Variants in FRMPD2 observed in about 807,000 individuals in gnomAD.
FRMPD2 encodes FERM and PDZ domain containing 2, also known as FERM and PDZ domain-containing protein 2.
FRMPD2 carries 96 observed loss-of-function variants against 140.1 expected under a neutral mutation model. That is an observed-to-expected ratio of 0.69 (90% CI 0.58 to 0.81). FRMPD2 has a LOEUF of 0.81. Ranked by LOEUF, FRMPD2 falls within the 40% of genes least tolerant of loss-of-function variation. The pLI is 0.00. For missense variants in FRMPD2, 1,240 were observed against 1,447.4 expected (o/e 0.86, Z 2.32); for synonymous variants, 449 against 547.6 (o/e 0.82, Z 2.52).
rs1434012751 is a variant in FRMPD2 at position 48,184,655 on chromosome 10, A to G, written c.2495T>C (p.Ile832Thr). ...GTTGAATGTGAAGCCCTCCAGACTG[A>G]TGTGATTCAGGGCTAGTATCTGCCC... Reference protein sequence around the residue: ...PGGQILALNHISLEGFTFNMA... With the variant: ...PGGQILALNHTSLEGFTFNMA... Residue 832 changes from isoleucine (I) to threonine (T), a missense_variant, in exon 20 of 29, where the codon ATC becomes ACC. Ile to Thr is a moderately conservative substitution (Grantham distance 89, BLOSUM62 -1). Coordinates refer to ENST00000374201, the MANE Select transcript of FRMPD2 (RefSeq NM_001018071.4). 1.9e-6 allele frequency: 3 copies of G among 1,613,204 alleles called. No homozygotes were observed. The highest frequency in any genetic ancestry group is 1.7e-6 in the Non-Finnish European group (2 of 1,179,260).
chr10:48,196,558 G>A (rs1436084434), intron 15 of FRMPD2, among the ~76,000 whole-genome samples: 2 of 152,188 alleles, frequency 1.3e-5, no homozygotes, highest in African/African-American at 2.4e-5. Flanking sequence ...TTCCTGCAGG[G>A]AGGCTGGGTG....
intron 10 of FRMPD2, among the ~76,000 whole-genome samples, chr10:48,231,164 T>G (rs1839839825): frequency 2.6e-5 from 4 of 152,244 alleles, no homozygotes; most frequent in Admixed American, 2.6e-4. Context: ...GCAGTGATGC[T>G]TTCAGAGCAA....
At chr10:48,239,153 C>T (rs764383976) in intron 7 of FRMPD2, among the ~76,000 whole-genome samples, 11 of 152,134 alleles carry the variant, frequency 7.2e-5, no homozygotes, top group Non-Finnish European at 1.6e-4. Flanking sequence ...ATAGCCGAGC[C>T]GAAGACAGTC....
At position 48,192,747 on chromosome 10, in the gene FRMPD2, G is replaced by A. The variant is rs1218371961; in HGVS notation, c.2102C>T (p.Thr701Ile). Residue 701 changes from threonine (T) to isoleucine (I), a missense_variant, in exon 16 of 29, where the codon ACA becomes ATA. Coordinates refer to ENST00000374201, the MANE Select transcript of FRMPD2 (RefSeq NM_001018071.4). ...GTCCACGTTGAAGTTATCCATTGAT[G>A]TACTCAGCAGGCCTCCTGCAGCACC... ...LQGAAGGLLS[T>I]SMDNFNVDGS... 2 of 1,614,156 alleles carry A rather than the reference G, an allele frequency of 1.2e-6. No individual in the cohort carries two copies. Among genetic ancestry groups the A allele is most frequent in the Admixed American group, 3.3e-5 (2 of 60,016 alleles).
intron 12 of FRMPD2, among the ~76,000 whole-genome samples, 187 bp downstream of exon 12, chr10:48,222,126 G>GGATGGA: frequency 6.9e-6 from 1 of 144,004 alleles, no homozygotes; most frequent in Admixed American, 6.9e-5. Context: ...CAATGAATAG[G>GGATGGA]TGGATGGATG....
intron 17 of FRMPD2, among the ~76,000 whole-genome samples, chr10:48,186,863 G>T (rs1298675840): frequency 6.6e-6 from 1 of 152,124 alleles, no homozygotes; most frequent in Admixed American, 6.5e-5. Context: ...GGTGAATACT[G>T]GGAGGTGATG....
At chr10:48,241,861 T>G (rs941724209) in intron 5 of FRMPD2, among the ~76,000 whole-genome samples, 1 of 152,210 alleles carries the variant, frequency 6.6e-6, no homozygotes, top group Non-Finnish European at 1.5e-5. Context: ...TATTGCTTTA[T>G]GTAAGGACGC....
At chr10:48,218,320 C>T (rs17770069) in intron 12 of FRMPD2, among the ~76,000 whole-genome samples, 19,657 of 152,220 alleles carry the variant, frequency 0.13, 1,601 homozygotes, top group Non-Finnish European at 0.18. Flanking sequence ...GGCCAGACCC[C>T]GATGACGTAG....
At chr10:48,180,577 CT>C (rs1241284681) in intron 21 of FRMPD2, among the ~76,000 whole-genome samples, 62 of 151,930 alleles carry the variant, frequency 4.1e-4, no homozygotes, top group African/African-American at 1.4e-3. Context: ...TGCCCAGACA[CT>C]GTCCTAGAAC....
intron 1 of FRMPD2, among the ~76,000 whole-genome samples, chr10:48,265,022 A>G (rs988141832): frequency 1.3e-5 from 2 of 152,174 alleles, no homozygotes; most frequent in African/African-American, 4.8e-5. Flanking sequence ...AGACACATAA[A>G]CCAATGGAAC....
intron 1 of FRMPD2, among the ~76,000 whole-genome samples, chr10:48,265,920 A>T (rs1018865733): frequency 1.3e-5 from 2 of 152,166 alleles, no homozygotes; most frequent in Admixed American, 6.5e-5. Flanking sequence ...GCATGTGTAT[A>T]TTCATTGCAG....
chr10:48,195,926 C>T (rs1203247340), intron 15 of FRMPD2, among the ~76,000 whole-genome samples: 1 of 152,224 alleles, frequency 6.6e-6, no homozygotes, highest in South Asian at 2.1e-4. Flanking sequence ...CAGAATAATA[C>T]AGGTGAGAAG....
chr10:48,193,843 C>T (rs945436549), intron 15 of FRMPD2, among the ~76,000 whole-genome samples: 3 of 151,908 alleles, frequency 2.0e-5, no homozygotes, highest in Non-Finnish European at 2.9e-5. Flanking sequence ...TCAAACAGAC[C>T]CCCCTCTCTT....
At chr10:48,184,524 C>G (rs139267073) in intron 20 of FRMPD2, 42 bp downstream of exon 20, 191 of 1,231,084 alleles carry the variant, frequency 1.6e-4, no homozygotes, top group Non-Finnish European at 2.0e-4. Flanking sequence ...CTCCTGAAAA[C>G]AGGGGAGCCT....
intron 1 of FRMPD2, among the ~76,000 whole-genome samples, chr10:48,258,840 A>G (rs1404868985): frequency 6.6e-6 from 1 of 152,350 alleles, no homozygotes; most frequent in East Asian, 1.9e-4. Flanking sequence ...GAAAGTTAGT[A>G]TCATCAGATG....
chr10:48,170,706 A>C (rs1369592065), intron 26 of FRMPD2, among the ~76,000 whole-genome samples: 2 of 151,166 alleles, frequency 1.3e-5, no homozygotes, highest in Non-Finnish European at 3.0e-5. Context: ...CCCACCTCCC[A>C]GGATGTGTGT....
At chr10:48,222,556 C>G in intron 11 of FRMPD2, 105 bp from the exon 12 acceptor site, 2 of 1,163,508 alleles carry the variant, frequency 1.7e-6, no homozygotes, top group Middle Eastern at 5.3e-4. Flanking sequence ...GTAGGGAAGA[C>G]GAGATGCAAC....
chr10:48,212,027 T>G lies in FRMPD2; in HGVS notation c.1538A>C (p.Gln513Pro). The part of the protein sequence containing the change: ...LIERMTALRV[Q>P]VEVSEMHRLS... ...CCGGTGCATCTCTGAGACTTCAACCTGGACCCGTAGAGCGGTCATCCTCTC... is the reference window on the plus strand; with the variant it reads ...CCGGTGCATCTCTGAGACTTCAACCGGGACCCGTAGAGCGGTCATCCTCTC... The change falls in exon 13 of 29, where the codon CAG (glutamine) becomes CCG (proline). Residue 513 changes from glutamine (Q) to proline (P), a missense_variant. Physicochemically the swap from Gln to Pro is moderately conservative, Grantham distance 76. Around this residue, in one of 6 missense-constraint regions of FRMPD2, gnomAD observed 1,161 missense variants for 1,055.9 expected, o/e 1.10. Transcript: ENST00000374201. The G allele has an allele frequency of 6.2e-7, 1 of 1,614,084 alleles. No individual in the cohort carries two copies. Among genetic ancestry groups the G allele is most frequent in the Non-Finnish European group, 8.5e-7 (1 of 1,179,980 alleles).
chr10:48,158,428 C>G (rs187512752), intron 28 of FRMPD2, among the ~76,000 whole-genome samples: 1 of 151,180 alleles, frequency 6.6e-6, no homozygotes, highest in Non-Finnish European at 1.5e-5. Flanking sequence ...ACGGAAAGGG[C>G]AAGACTTGGA....
Sources: gnomAD v4.1 joint callset for allele counts (sites outside exome capture counted in the v4.1 genomes callset) on GRCh38, gnomAD v4.1.1 for gene constraint, gnomAD v4.1.1 regional missense constraint, MANE v1.5 for transcripts, NCBI Gene and HGNC (gene_info 2026-07-23, HGNC 2026-07-21) for gene names.